The following TRPM4 variants were observed in gnomAD, a reference collection of about 807,000 sequenced individuals.
TRPM4 encodes the protein calcium-activated non-selective cation channel 1.
A neutral mutation model predicts 135.6 loss-of-function variants in TRPM4; 124 were observed. The observed-to-expected ratio is 0.91, with a 90% CI of 0.79 to 1.06. The LOEUF (loss-of-function observed/expected upper bound fraction) is 1.06. TRPM4 is among the 50% of genes least tolerant of loss of function. TRPM4 has a pLI of 0.00. For missense variants in TRPM4, 1,658 were observed against 1,671.4 expected, an observed-to-expected ratio of 0.99 and a Z score of 0.14; for synonymous variants, 745 against 705.6, an observed-to-expected ratio of 1.06 and a Z score of -0.88.
chr19:49,210,348 C>T lies in TRPM4; in HGVS notation c.3271C>T (p.Gln1091Ter). The T allele has an allele frequency of 6.2e-7, 1 of 1,614,194 alleles. No homozygotes were observed. The highest frequency in any genetic ancestry group is 1.7e-5 in the Admixed American group (1 of 60,024). Residue 1091 changes from glutamine to a stop codon, truncating the protein, a stop_gained, in exon 21 of 25, where the codon CAA becomes TAA. Coordinates refer to ENST00000252826, the MANE Select transcript of TRPM4 (RefSeq NM_017636.4). LOFTEE classifies it high-confidence loss of function. This position sits in a 1 kb window ranked among gnomAD's most constrained non-coding sequence, Gnocchi z 4.1. ...VISHLRLLLR[Q>*]LCRRPRSPQP... ...CTCCCACTTGCGCCTCCTGCTCAGG[C>T]AATTGTGCAGGCGACCCCGGAGCCC...
intron 2 of TRPM4, among the ~76,000 whole-genome samples, chr19:49,161,299 A>G (rs1335725940): frequency 6.7e-6 from 1 of 150,268 alleles, no homozygotes; most frequent in Non-Finnish European, 1.5e-5. Flanking sequence ...AGCATTTAAA[A>G]ATATCTGTCT....
Position 49,211,312 on chromosome 19 carries a change from C to T in TRPM4, c.3640+43C>T, listed in dbSNP as rs754528848. On this transcript the variant is annotated intron_variant, in intron 24 of 24. Transcript: ENST00000252826. The surrounding 1 kb of genome is among the most constrained non-coding windows in gnomAD (Gnocchi z 4.8). ...GCCTGTGCATCTCCAGCCTCTGTTC[C>T]TGTATTTTTGCGTGTTTTTCTCTCT... 8.2e-6 allele frequency: 13 copies of T among 1,580,838 alleles called. No individual in the cohort carries two copies. The highest frequency in any genetic ancestry group is 1.1e-5 in the South Asian group (1 of 89,038).
In TRPM4 at chr19:49,182,585, A is replaced by G; in HGVS notation, c.1271A>G (p.His424Arg). ...TTCATCCCACCCTGCCAGTCCTTCCATCTCGAAGCTTCCCTCATGGACGCC... is the reference window on the plus strand; with the variant it reads ...TTCATCCCACCCTGCCAGTCCTTCCGTCTCGAAGCTTCCCTCATGGACGCC... ...FRGDIQWRSF[H>R]LEASLMDALL... Residue 424 changes from histidine (H) to arginine (R), a missense_variant, in exon 11 of 25, where the codon CAT becomes CGT. Physicochemically the swap from His to Arg is conservative, Grantham distance 29 (BLOSUM62 0). This residue lies in a region of TRPM4 where 1,412 missense variants were observed against 1,408.7 expected (regional missense o/e 1.00). Coordinates refer to ENST00000252826, the MANE Select transcript of TRPM4 (RefSeq NM_017636.4). 1.2e-6 allele frequency: 2 copies of G among 1,613,148 alleles called. No individual in the cohort carries two copies. The highest frequency in any genetic ancestry group is 1.1e-5 in the South Asian group (1 of 91,078).
At chr19:49,160,540 A>G (rs1966923735) in intron 2 of TRPM4, among the ~76,000 whole-genome samples, 1 of 152,142 alleles carries the variant, frequency 6.6e-6, no homozygotes, top group Non-Finnish European at 1.5e-5. Flanking sequence ...CAGCATGTGC[A>G]AAGTCCTTGC....
chr19:49,194,695 T>C (rs916960164), intron 16 of TRPM4, among the ~76,000 whole-genome samples: 7 of 142,800 alleles, frequency 4.9e-5, no homozygotes, highest in African/African-American at 1.8e-4. Context: ...TTTTCTTCCT[T>C]CCTTCCTCCC....
rs79502351 is a variant in TRPM4 at position 49,193,557 on chromosome 19, C to T, written c.2210+2784C>T. On this transcript the variant is annotated intron_variant, in intron 16 of 24. Coordinates refer to ENST00000252826, the MANE Select transcript of TRPM4 (RefSeq NM_017636.4). ...GTACCTGAGTCTGTGCTCTCAGCCCCTGTGGAGCCCCCCCACTGAGAGCTC... is the reference window on the plus strand; with the variant it reads ...GTACCTGAGTCTGTGCTCTCAGCCCTTGTGGAGCCCCCCCACTGAGAGCTC... 5.1e-3 allele frequency among the ~76,000 whole-genome samples: 775 copies of T among 152,088 alleles called. 3 individuals are homozygous for T. Among genetic ancestry groups the T allele is most frequent in the South Asian group, 0.029 (140 of 4,818 alleles).
intron 10 of TRPM4, among the ~76,000 whole-genome samples, chr19:49,181,872 A>G (rs1967941140): frequency 6.6e-6 from 1 of 151,854 alleles, no homozygotes; most frequent in Non-Finnish European, 1.5e-5. Flanking sequence ...GCCTTCCATT[A>G]TGGCCTGTCC....
In TRPM4 at chr19:49,190,209, C is replaced by T; in HGVS notation, c.2021C>T (p.Ser674Phe). 1 of 1,613,412 alleles carries T rather than the reference C, an allele frequency of 6.2e-7. No individual in the cohort carries two copies. The highest frequency in any genetic ancestry group is 1.1e-5 in the South Asian group (1 of 91,074). The change falls in exon 15 of 25, where the codon TCT becomes TTT. Residue 674 changes from serine to phenylalanine, a missense_variant and splice_region_variant. Ser to Phe is a radical substitution (Grantham distance 155). Around this residue, in one of 3 missense-constraint regions of TRPM4, gnomAD observed 1,412 missense variants for 1,408.7 expected, o/e 1.00. Transcript: ENST00000252826. ...RAFFAQDGVQSLLTQKWWGDM... is the reference protein window; with the variant it reads ...RAFFAQDGVQFLLTQKWWGDM... The stretch of plus-strand genomic sequence containing the variant: ...CCTAATCCTTCCCACCCCCCACAGT[C>T]TCTGCTGACACAGAAGTGGTGGGGA...
intron 16 of TRPM4, among the ~76,000 whole-genome samples, chr19:49,195,248 A>C (rs1388924903): frequency 6.6e-6 from 1 of 152,152 alleles, no homozygotes; most frequent in Non-Finnish European, 1.5e-5. Flanking sequence ...CATGCTTAGC[A>C]CTGCTTTTCG....
At chr19:49,172,654 C>T (rs1317999227) in intron 9 of TRPM4, among the ~76,000 whole-genome samples, 2 of 151,600 alleles carry the variant, frequency 1.3e-5, no homozygotes, top group African/African-American at 4.9e-5. Flanking sequence ...ACCTGTCCAT[C>T]TACACATCCA....
rs1024476255 is a variant in TRPM4 at position 49,189,537 on chromosome 19, T to C, written c.2019+446T>C. The stretch of plus-strand genomic sequence containing the variant: ...CAGTTAGAATGGCCTCACTGAACAA[T>C]TACCTTTTTTTTTTTTTGGACATAA... On this transcript the variant is annotated intron_variant, in intron 14 of 24. Transcript: ENST00000252826. Among the ~76,000 whole-genome samples the C allele has an allele frequency of 8.2e-4, 114 of 139,410 alleles. 1 individual carries two copies. The highest frequency in any genetic ancestry group is 3.1e-3 in the African/African-American group (113 of 36,846). 91.5% of individuals were successfully genotyped at this position (139,410 alleles called of 152,430 possible). A position where few individuals can be genotyped will look rare whatever the true frequency, so the allele number is the denominator to read the frequency against.
At position 49,158,584 on chromosome 19, in the gene TRPM4, TTTCATTCA is replaced by T. The variant is rs72260340; in HGVS notation, c.92+355_92+362del. 6.1e-3 allele frequency: 1,495 copies of T among 243,460 alleles called. 16 individuals carry two copies. The highest frequency in any genetic ancestry group is 0.023 in the African/African-American group (991 of 43,398). The allele number at this position is 243,460 out of a possible 1,614,324, so 15.1% of individuals were successfully genotyped here. On this transcript the variant is annotated intron_variant, in intron 2 of 24. Transcript: ENST00000252826. ...TGTCTTTCCCTTTTGGGTATTTCTG[TTTCATTCA>T]TTCATTCATTCATTCATTCATTCAT...
Position 49,166,120 on chromosome 19 carries a change from G to C in TRPM4, c.172G>C (p.Val58Leu). The change falls in exon 3 of 25, where the codon GTG (valine) becomes CTG (leucine). Residue 58 changes from valine (V) to leucine (L), a missense_variant. Around this residue, in one of 3 missense-constraint regions of TRPM4, gnomAD observed 239 missense variants for 240.1 expected, o/e 1.00. Transcript: ENST00000252826. The stretch of plus-strand genomic sequence containing the variant: ...GGAGGATGCCTTCGGGGCAGCCGTG[G>C]TGACCGTGTGGGACAGCGATGCACA... Reference protein sequence around the residue: ...AMEDAFGAAVVTVWDSDAHTT... With the variant: ...AMEDAFGAAVLTVWDSDAHTT... 6.2e-7 allele frequency: 1 copy of C among 1,604,976 alleles called. No homozygotes were observed. The highest frequency in any genetic ancestry group is 1.3e-5 in the African/African-American group (1 of 74,964).
rs116036215 is a variant in TRPM4 at position 49,204,860 on chromosome 19, C to A, written c.3131+2719C>A. ...TACAGGCGTGAGCCACCGTGCCCAG[C>A]GGCTATTTTTTTTTTTTTTAATGAA... On this transcript the variant is annotated intron_variant, in intron 20 of 24. Coordinates refer to ENST00000252826, the MANE Select transcript of TRPM4 (RefSeq NM_017636.4). 1.7e-4 allele frequency among the ~76,000 whole-genome samples: 25 copies of A among 149,298 alleles called. No individual in the cohort carries two copies. In the East Asian group the frequency reaches 4.9e-3, roughly 29 times the overall value.
At chr19:49,161,757 G>A (rs892987341) in intron 2 of TRPM4, among the ~76,000 whole-genome samples, 82 of 152,056 alleles carry the variant, frequency 5.4e-4, no homozygotes, top group African/African-American at 2.0e-3. Flanking sequence ...AGCCCCCCGA[G>A]TAGCTGGGAT....
At chr19:49,198,782 A>G (rs193293460) in intron 17 of TRPM4, among the ~76,000 whole-genome samples, 73 of 151,864 alleles carry the variant, frequency 4.8e-4, no homozygotes, top group Admixed American at 9.9e-4. Context: ...TGTTTTAAAT[A>G]GAGACAGGGT....
chr19:49,182,099 T>TCAATCCATCCAC (rs1967960359), intron 10 of TRPM4, among the ~76,000 whole-genome samples: 1 of 72,116 alleles, frequency 1.4e-5, no homozygotes. Context: ...CATCTGTCCA[T>TCAATCCATCCAC]CCATCCATCC....
intron 12 of TRPM4, among the ~76,000 whole-genome samples, chr19:49,187,429 C>T (rs1466208558): frequency 6.6e-6 from 1 of 151,966 alleles, no homozygotes; most frequent in Non-Finnish European, 1.5e-5. Flanking sequence ...ACTGCAGCCT[C>T]AACCTACTGG....
In TRPM4 at chr19:49,190,494, T is replaced by C. The variant is rs1175794; in HGVS notation, c.2132+174T>C. ...TGTGGGAGGTGAGTTTTGGGGGGGATCCTCCCTGTGGTATCTCTAGTGGCA... is the reference window on the plus strand; with the variant it reads ...TGTGGGAGGTGAGTTTTGGGGGGGACCCTCCCTGTGGTATCTCTAGTGGCA... On this transcript the variant is annotated intron_variant, in intron 15 of 24. Transcript: ENST00000252826. 8.7e-3 allele frequency among the ~76,000 whole-genome samples: 1,322 copies of C among 151,942 alleles called. 21 individuals are homozygous for C. The highest frequency in any genetic ancestry group is 0.03 in the African/African-American group (1,242 of 41,358).
Sources: allele counts gnomAD v4.1 joint callset (sites outside exome capture counted in the v4.1 genomes callset), GRCh38; gene constraint gnomAD v4.1.1; regional missense constraint gnomAD v4.1.1; non-coding constraint Gnocchi (gnomAD v3.1); transcripts MANE v1.5; gene names NCBI Gene and HGNC (gene_info 2026-07-23, HGNC 2026-07-21).